The following POLR3E variants were observed in gnomAD, a reference collection of about 807,000 sequenced individuals.
POLR3E encodes the protein RNA polymerase III subunit E, also known as DNA-directed RNA polymerase III subunit RPC5.
A neutral mutation model predicts 96.6 loss-of-function variants in POLR3E; 41 were observed. The observed-to-expected ratio is 0.42, with a 90% CI of 0.33 to 0.55. POLR3E has a LOEUF of 0.55. Ranked by LOEUF, POLR3E falls within the 20% of genes least tolerant of loss-of-function variation. The pLI is 0.06. For synonymous variants in POLR3E, 396 were observed against 383.6 expected, an observed-to-expected ratio of 1.03 and a Z score of -0.38; for missense variants, 849 against 952.1, an observed-to-expected ratio of 0.89 and a Z score of 1.43.
rs1259973207 is a variant in POLR3E, at chr16:22,322,521, G to A, written c.987-329G>A. On this transcript the variant is annotated intron_variant, in intron 13 of 20. Transcript: ENST00000299853. The surrounding 1 kb of genome is among the most constrained non-coding windows in gnomAD (Gnocchi z 5.2). Reference sequence around the variant, plus strand: ...GGACCAGTTGTCTTCCAGAGTCCTGGGCTCCTTGAGGTCCCGGGCTGTTCC... The same window carrying A: ...GGACCAGTTGTCTTCCAGAGTCCTGAGCTCCTTGAGGTCCCGGGCTGTTCC... 6.6e-6 allele frequency among the ~76,000 whole-genome samples: 1 copy of A among 152,122 alleles called. No individual in the cohort carries two copies. The highest frequency in any genetic ancestry group is 1.5e-5 in the Non-Finnish European group (1 of 68,016).
In POLR3E at chr16:22,322,977, A is replaced by AG. The variant is rs772906341; in HGVS notation, c.1068+52dup. The AG allele has an allele frequency of 5.9e-6, 8 of 1,365,768 alleles. No homozygotes were observed. The highest frequency in any genetic ancestry group is 6.2e-6 in the Non-Finnish European group (6 of 967,066). The allele number at this position is 1,365,768 out of a possible 1,614,324, so 84.6% of individuals were successfully genotyped here. A position where few individuals can be genotyped will look rare whatever the true frequency, so the allele number is the denominator to read the frequency against. ...GGACTCACGGTGGGGGCGTGGGAAG[A>AG]GGGGGGCAGCGGTGCAGGGCTTCTG... is the stretch of plus-strand genomic sequence containing the variant. On this transcript the variant is annotated intron_variant, in intron 14 of 20. Transcript: ENST00000299853. This position sits in a 1 kb window ranked among gnomAD's most constrained non-coding sequence, Gnocchi z 5.2.
chr16:22,326,580 C>T (rs1045323668), intron 18 of POLR3E: 12 of 504,708 alleles, frequency 2.4e-5, no homozygotes, highest in Admixed American at 1.0e-4. Context: ...TCACCCTGTC[C>T]CCCACCAAGA....
intron 18 of POLR3E, 171 bp from the exon 19 acceptor site, chr16:22,328,337 TGA>T: frequency 1.6e-6 from 1 of 623,982 alleles, no homozygotes; most frequent in South Asian, 1.9e-5. Flanking sequence ...CATGGTGAGG[TGA>T]GAGGCACAGG....
At chr16:22,330,918 A>G (rs1191308234) in intron 19 of POLR3E, among the ~76,000 whole-genome samples, 2 of 125,652 alleles carry the variant, frequency 1.6e-5, no homozygotes, top group African/African-American at 2.8e-5. Context: ...CAAAGTTTCT[A>G]TTTTTACGTG....
chr16:22,325,514 C>CA (rs1323466590), intron 17 of POLR3E, among the ~76,000 whole-genome samples: 1 of 152,292 alleles, frequency 6.6e-6, no homozygotes, highest in East Asian at 1.9e-4. Context: ...GAGGCTCACT[C>CA]ACCCTCTTGG....
chr16:22,297,882 G>C (rs1414106213), intron 1 of POLR3E, among the ~76,000 whole-genome samples: 1 of 152,236 alleles, frequency 6.6e-6, no homozygotes, highest in Non-Finnish European at 1.5e-5. Flanking sequence ...GGCAGGGACT[G>C]CGTGGTGGGC....
intron 19 of POLR3E, among the ~76,000 whole-genome samples, chr16:22,329,346 G>A (rs1598277761): frequency 1.3e-5 from 2 of 152,148 alleles, no homozygotes; most frequent in Non-Finnish European, 2.9e-5. Flanking sequence ...AGGGTCACAG[G>A]TGTCCAGTGC....
At position 22,328,708 on chromosome 16, in the gene POLR3E, CG is replaced by C. The variant is rs984572466; in HGVS notation, c.1944+123del. ...CACATTTCAGATTTTCTGGCACACT[CG>C]GTTTTAAATATCCTGCTCCAACTCT... is the stretch of plus-strand genomic sequence containing the variant. On this transcript the variant is annotated intron_variant, in intron 19 of 20. Coordinates refer to ENST00000299853, the MANE Select transcript of POLR3E (RefSeq NM_018119.4). 112 of 785,114 alleles carry C rather than the reference CG, an allele frequency of 1.4e-4. 1 individual carries two copies. Among genetic ancestry groups the C allele is most frequent in the Non-Finnish European group, 2.1e-4 (91 of 442,412 alleles). The allele number at this position is 785,114 out of a possible 1,614,324, so 48.6% of individuals were successfully genotyped here. A position where few individuals can be genotyped will look rare whatever the true frequency, so the allele number is the denominator to read the frequency against.
rs763108871 is a variant in POLR3E, at chr16:22,325,216, T to A, written c.1298T>A (p.Val433Asp). 1.9e-6 allele frequency: 3 copies of A among 1,612,986 alleles called. No individual in the cohort carries two copies. The highest frequency in any genetic ancestry group is 2.5e-6 in the Non-Finnish European group (3 of 1,179,060). ...WTGIQAKLEK[V>D]YNLVKETMPK... ...ACTCTTCTTTTCAGACTGGAAAAAGTCTATAATCTTGTAAAGGAAACCATG... is the reference window on the plus strand; with the variant it reads ...ACTCTTCTTTTCAGACTGGAAAAAGACTATAATCTTGTAAAGGAAACCATG... The change falls in exon 17 of 21, where the codon GTC (valine) becomes GAC (aspartate). Residue 433 changes from valine to aspartate, a missense_variant. By Grantham distance (152) the Val-to-Asp change is radical. Coordinates refer to ENST00000299853, the MANE Select transcript of POLR3E (RefSeq NM_018119.4).
At chr16:22,314,190 G>A in intron 8 of POLR3E, 62 bp downstream of exon 8, 1 of 1,318,074 alleles carries the variant, frequency 7.6e-7, no homozygotes, top group Non-Finnish European at 1.1e-6. Flanking sequence ...CAGAGACCAA[G>A]GGGTAGCGGG....
rs1424224794 is a variant in POLR3E at position 22,313,111 on chromosome 16, C to A, written c.365-509C>A. On this transcript the variant is annotated intron_variant, in intron 6 of 20. Transcript: ENST00000299853. This position sits in a 1 kb window ranked among gnomAD's most constrained non-coding sequence, Gnocchi z 4.1. ...ATCAGAGGCCATGTGGACACTCCAC[C>A]CAGTTCTAGCAGGGCCTCTTCTCCA... Among the ~76,000 whole-genome samples the A allele has an allele frequency of 6.6e-6, 1 of 151,916 alleles. No homozygotes were observed. The highest frequency in any genetic ancestry group is 1.5e-5 in the Non-Finnish European group (1 of 67,990).
intron 1 of POLR3E, among the ~76,000 whole-genome samples, chr16:22,298,673 T>C (rs2047957758): frequency 6.6e-6 from 1 of 152,198 alleles, no homozygotes; most frequent in Admixed American, 6.5e-5. Context: ...TAAGGATCTT[T>C]GACATAGCGA....
In POLR3E at chr16:22,316,474, C is replaced by G. The variant is rs985273541; in HGVS notation, c.643-127C>G. 3 of 677,670 alleles carry G rather than the reference C, an allele frequency of 4.4e-6. No homozygotes were observed. The Admixed American group carries it at 7.8e-5, about 18-fold the overall frequency. 42.0% of individuals were successfully genotyped at this position (677,670 alleles called of 1,614,324 possible). ...AGGCCACGTCAGAGGCCTTGGGTGC[C>G]GTGCTCAGGAGGTTGGATGTGGTCC... On this transcript the variant is annotated intron_variant, in intron 9 of 20. Coordinates refer to ENST00000299853, the MANE Select transcript of POLR3E (RefSeq NM_018119.4).
At chr16:22,328,429 G>C (rs1162475608) in intron 18 of POLR3E, 81 bp from the exon 19 acceptor site, 6 of 1,171,990 alleles carry the variant, frequency 5.1e-6, no homozygotes, top group Non-Finnish European at 7.7e-6. Context: ...TCTGGGCTGG[G>C]GCAGACAGGG....
At chr16:22,328,625 G>A (rs374249977) in intron 19 of POLR3E, 38 bp downstream of exon 19, 158 of 1,570,566 alleles carry the variant, frequency 1.0e-4, no homozygotes, top group Non-Finnish European at 1.3e-4. Flanking sequence ...CGAAGAGCCA[G>A]GGGGGTTTCC....
intron 1 of POLR3E, among the ~76,000 whole-genome samples, chr16:22,298,548 C>T (rs1307506413): frequency 2.0e-5 from 3 of 152,120 alleles, no homozygotes; most frequent in Non-Finnish European, 2.9e-5. Flanking sequence ...AGATGCCAAG[C>T]AGCTGTGGTG....
chr16:22,333,993 G>C lies in POLR3E; in HGVS notation c.*293G>C, dbSNP rs2141832592. 5.7e-6 allele frequency: 2 copies of C among 353,184 alleles called. No homozygotes were observed. Among genetic ancestry groups the C allele is most frequent in the South Asian group, 1.1e-4 (1 of 8,784 alleles). The allele number at this position is 353,184 out of a possible 1,614,324, so 21.9% of individuals were successfully genotyped here. ...TTTGGTTTCATTCTCATAATAAAGA[G>C]AGTGTATACTGACATGGGCAGGATG... On this transcript the variant is annotated 3_prime_UTR_variant, in exon 21 of 21. Coordinates refer to ENST00000299853, the MANE Select transcript of POLR3E (RefSeq NM_018119.4).
rs2048752938 is a variant in POLR3E at position 22,332,100 on chromosome 16, G to A, written c.1985G>A (p.Arg662Gln). The A allele has an allele frequency of 1.9e-6, 3 of 1,613,630 alleles. No homozygotes were observed. The highest frequency in any genetic ancestry group is 2.5e-6 in the Non-Finnish European group (3 of 1,179,630). ...VLLEIFSKNY[R>Q]VRRNMIQSRL... ...CTTGAAATTTTTTCCAAAAATTACC[G>A]GGTACGCCGAAACATGATCCAGTCT... The change falls in exon 20 of 21, where the codon CGG (arginine) becomes CAG (glutamine). Residue 662 changes from arginine to glutamine, a missense_variant. Physicochemically the swap from Arg to Gln is conservative, Grantham distance 43 (BLOSUM62 1). Transcript: ENST00000299853.
chr16:22,333,678 T>C lies in POLR3E; in HGVS notation c.2105T>C (p.Leu702Pro), dbSNP rs2048790983. Reference sequence around the variant, plus strand: ...GTAAGCTATGGTGGCATGTGGTACCTTAAAGGGACAGTACAGTCTTGACAA... The same window carrying C: ...GTAAGCTATGGTGGCATGTGGTACCCTAAAGGGACAGTACAGTCTTGACAA... ...CCVSYGGMWY[L>P]KGTVQS is the part of the protein sequence containing the mutation. Residue 702 changes from leucine (L) to proline (P), a missense_variant, in exon 21 of 21, where the codon CTT (leucine) becomes CCT (proline). Coordinates refer to ENST00000299853, the MANE Select transcript of POLR3E (RefSeq NM_018119.4). The C allele has an allele frequency of 6.2e-7, 1 of 1,610,892 alleles. No individual in the cohort carries two copies. The highest frequency in any genetic ancestry group is 1.3e-5 in the African/African-American group (1 of 74,860).
Sources: allele counts gnomAD v4.1 joint callset (sites outside exome capture counted in the v4.1 genomes callset), GRCh38; gene constraint gnomAD v4.1.1; non-coding constraint Gnocchi (gnomAD v3.1); transcripts MANE v1.5; gene names NCBI Gene and HGNC (gene_info 2026-07-23, HGNC 2026-07-21).